The following KIF16B variants were observed in gnomAD, a reference collection of about 807,000 sequenced individuals.
KIF16B encodes kinesin-like protein KIF16B.
A neutral mutation model predicts 156.3 loss-of-function variants in KIF16B; 98 were observed. The observed-to-expected ratio is 0.63, with a 90% CI of 0.53 to 0.74. The LOEUF (loss-of-function observed/expected upper bound fraction) is 0.74, where lower values mean the gene tolerates loss of function less well. Among genes scored for constraint, KIF16B ranks in the 30% least tolerant of loss-of-function variants. The probability of loss-of-function intolerance (pLI) is 0.00; values close to 1 mark genes in which losing one functional copy is unlikely to be tolerated. For synonymous variants in KIF16B, 564 were observed against 583.7 expected (o/e 0.97, Z 0.49); for missense variants, 1,421 against 1,606.5 (o/e 0.88, Z 1.97).
chr20:16,494,434 G>A, intron 11 of KIF16B, 84 bp from the exon 12 acceptor site: 2 of 799,330 alleles, frequency 2.5e-6, no homozygotes, highest in Admixed American at 3.0e-5. Context: ...AATATCTCAT[G>A]GAAAGATGTA....
intron 15 of KIF16B, among the ~76,000 whole-genome samples, chr20:16,424,230 C>T (rs959608538): frequency 1.3e-5 from 2 of 152,090 alleles, no homozygotes; most frequent in Non-Finnish European, 1.5e-5. Context: ...CCCTGCTCAA[C>T]TTACCTTTAT....
At chr20:16,514,099 T>C (rs528596374) in intron 4 of KIF16B, among the ~76,000 whole-genome samples, 1 of 152,298 alleles carries the variant, frequency 6.6e-6, no homozygotes, top group South Asian at 2.1e-4. Context: ...AACTATAAGA[T>C]TGGAGAAAAA....
At chr20:16,391,922 G>A (rs964128189) in intron 17 of KIF16B, among the ~76,000 whole-genome samples, 1 of 152,212 alleles carries the variant, frequency 6.6e-6, no homozygotes, top group Non-Finnish European at 1.5e-5. Flanking sequence ...TCTATGGGTA[G>A]TGTTTTGAAG....
At chr20:16,446,975 C>G (rs1192611253) in intron 12 of KIF16B, among the ~76,000 whole-genome samples, 1 of 152,116 alleles carries the variant, frequency 6.6e-6, no homozygotes, top group East Asian at 1.9e-4. Context: ...GAACAAGGAC[C>G]CTGTCTTTTC....
At chr20:16,476,609 G>A (rs2067820824) in intron 12 of KIF16B, among the ~76,000 whole-genome samples, 1 of 152,120 alleles carries the variant, frequency 6.6e-6, no homozygotes, top group African/African-American at 2.4e-5. Flanking sequence ...TTATAGAATG[G>A]TTTCTGATTT....
chr20:16,427,207 G>T lies in KIF16B; in HGVS notation c.1509C>A (p.Cys503Ter). The T allele has an allele frequency of 6.2e-7, 1 of 1,612,864 alleles. No homozygotes were observed. Among genetic ancestry groups the T allele is most frequent in the South Asian group, 1.1e-5 (1 of 90,920 alleles). The change falls in exon 15 of 26, where the codon TGC becomes TGA. Residue 503 changes from cysteine (C) to a stop codon, truncating the protein, a stop_gained. Coordinates refer to ENST00000354981, the MANE Select transcript of KIF16B (RefSeq NM_024704.5). LOFTEE classifies it high-confidence loss of function. ...CTGTCCCCCCGATATTTTCAAAGAT[G>T]CAATGCTCACTCTCCAAGTCAAGGC... ...LHGLDLESEH[C>*]IFENIGGTVT...
intron 25 of KIF16B, among the ~76,000 whole-genome samples, chr20:16,293,506 C>G (rs983759170): frequency 6.6e-6 from 1 of 152,130 alleles, no homozygotes; most frequent in Non-Finnish European, 1.5e-5. Context: ...TAGAAACTTA[C>G]CTCTCATACA....
intron 15 of KIF16B, among the ~76,000 whole-genome samples, chr20:16,418,558 T>C (rs2066147425): frequency 6.6e-6 from 1 of 152,160 alleles, no homozygotes; most frequent in African/African-American, 2.4e-5. Flanking sequence ...TTCCACACAA[T>C]GGACCAGCAT....
chr20:16,429,824 G>A (rs2066451522), intron 13 of KIF16B, 39 bp downstream of exon 13: 1 of 1,572,808 alleles, frequency 6.4e-7, no homozygotes. Context: ...TGGAGAAACT[G>A]GAAACAAAAT....
At chr20:16,535,507 C>T (rs2069924794) in intron 1 of KIF16B, among the ~76,000 whole-genome samples, 1 of 152,158 alleles carries the variant, frequency 6.6e-6, no homozygotes, top group African/African-American at 2.4e-5. Flanking sequence ...ATTGCTCTGA[C>T]TAGGGCTTAC....
rs140122787 is a variant in KIF16B at position 16,463,131 on chromosome 20, G to A, written c.1302+31160C>T. 1.7e-3 allele frequency among the ~76,000 whole-genome samples: 254 copies of A among 152,240 alleles called. 1 individual carries two copies. Among genetic ancestry groups the A allele is most frequent in the African/African-American group, 5.9e-3 (247 of 41,550 alleles). Reference sequence around the variant, plus strand: ...TCATCTATAAAACCAACCGCATCTCGCTGTGAACCTAAAAGACCTGCTCAG... The same window carrying A: ...TCATCTATAAAACCAACCGCATCTCACTGTGAACCTAAAAGACCTGCTCAG... On this transcript the variant is annotated intron_variant, in intron 12 of 25. Transcript: ENST00000354981.
intron 24 of KIF16B, among the ~76,000 whole-genome samples, chr20:16,320,417 C>CA (rs537707733): frequency 1.3e-5 from 2 of 151,508 alleles, no homozygotes; most frequent in Admixed American, 6.6e-5. Flanking sequence ...CTTCCTTCCA[C>CA]AAAAAAATGT....
intron 1 of KIF16B, among the ~76,000 whole-genome samples, chr20:16,549,033 T>G (rs886738187): frequency 7.6e-5 from 10 of 132,270 alleles, no homozygotes; most frequent in African/African-American, 2.0e-4. Context: ...TATGTTTTTT[T>G]TTCGTTAGTT....
chr20:16,563,796 A>G (rs960977701), intron 1 of KIF16B, among the ~76,000 whole-genome samples: 1 of 152,244 alleles, frequency 6.6e-6, no homozygotes, highest in African/African-American at 2.4e-5. Flanking sequence ...TAAACTACTA[A>G]TACACCTTGT....
intron 12 of KIF16B, among the ~76,000 whole-genome samples, chr20:16,460,557 G>A (rs902211157): frequency 7.3e-5 from 11 of 151,118 alleles, no homozygotes; most frequent in South Asian, 6.3e-4. Flanking sequence ...AGGAGACTCC[G>A]TCTCCAAAAA....
intron 2 of KIF16B, among the ~76,000 whole-genome samples, chr20:16,527,522 A>C (rs1026879881): frequency 1.3e-5 from 2 of 152,226 alleles, no homozygotes; most frequent in African/African-American, 4.8e-5. Flanking sequence ...CAAATATCAA[A>C]GGAGAAAGGC....
intron 12 of KIF16B, among the ~76,000 whole-genome samples, chr20:16,469,936 C>T (rs539436225): frequency 1.9e-4 from 29 of 151,866 alleles, no homozygotes; most frequent in Non-Finnish European, 4.1e-4. Context: ...AGCAGGTGAA[C>T]GGATTAAAAA....
At chr20:16,315,517 T>G (rs2063684653) in intron 24 of KIF16B, among the ~76,000 whole-genome samples, 1 of 151,922 alleles carries the variant, frequency 6.6e-6, no homozygotes, top group South Asian at 2.1e-4. Context: ...AGGGTAAAGA[T>G]GAAAAAGAGT....
intron 12 of KIF16B, among the ~76,000 whole-genome samples, chr20:16,476,682 T>C (rs1196294906): frequency 6.6e-6 from 1 of 152,234 alleles, no homozygotes; most frequent in East Asian, 1.9e-4. Flanking sequence ...TTCTAAAAGA[T>C]GCAGGATAGC....
Sources: allele counts gnomAD v4.1 joint callset (sites outside exome capture counted in the v4.1 genomes callset), GRCh38; gene constraint gnomAD v4.1.1; transcripts MANE v1.5; gene names NCBI Gene and HGNC (gene_info 2026-07-23, HGNC 2026-07-21).